The following FGF18 variants were observed in gnomAD, a reference collection of about 807,000 sequenced individuals.
FGF18 encodes fibroblast growth factor 18.
FGF18 carries 5 observed loss-of-function variants against 23.0 expected under a neutral mutation model. The ratio of observed to expected loss-of-function variants is 0.22; its 90% CI spans 0.11 to 0.46. FGF18 has a LOEUF of 0.46. Among genes scored for constraint, FGF18 ranks in the 20% least tolerant of loss-of-function variants. FGF18 has a pLI of 0.99. For synonymous variants in FGF18, 117 were observed against 118.9 expected, an observed-to-expected ratio of 0.98 and a Z score of 0.10; for missense variants, 180 against 291.6, an observed-to-expected ratio of 0.62 and a Z score of 2.79.
intron 3 of FGF18, among the ~76,000 whole-genome samples, chr5:171,444,280 G>C (rs373530172): frequency 1.9e-4 from 29 of 152,302 alleles, no homozygotes; most frequent in African/African-American, 5.1e-4. Context: ...AGTGAGGGGT[G>C]GGGTAGACAG....
chr5:171,420,416 C>T lies in FGF18; in HGVS notation c.42C>T (p.His14=). ...CATCTGTTTCCCGCAGGTGTTTACA[C>T]TTCCTGCTGCTGTGCTTCCAGGTAC... The part of the protein sequence containing the change: ...APSACTCLCL[H]FLLLCFQVQV... The change falls in exon 2 of 5, where the codon CAC becomes CAT. Residue 14 remains histidine (H), a synonymous_variant. Transcript: ENST00000274625. 9.3e-6 allele frequency: 15 copies of T among 1,613,908 alleles called. No individual in the cohort carries two copies. Among genetic ancestry groups the T allele is most frequent in the African/African-American group, 1.3e-5 (1 of 75,044 alleles).
chr5:171,448,825 C>T (rs1328735060), intron 3 of FGF18, among the ~76,000 whole-genome samples: 1 of 152,108 alleles, frequency 6.6e-6, no homozygotes, highest in African/African-American at 2.4e-5. Context: ...GAAGGGCACA[C>T]TGGTGTTCAG....
chr5:171,444,963 A>G (rs189318019), intron 3 of FGF18, among the ~76,000 whole-genome samples: 31 of 152,264 alleles, frequency 2.0e-4, no homozygotes, highest in African/African-American at 7.5e-4. Context: ...ACCGACAATA[A>G]AAATAAGAGT....
Position 171,449,171 on chromosome 5 carries a change from C to T in FGF18, c.275C>T (p.Thr92Ile). Reference protein sequence around the residue: ...KYAQLLVETDTFGSQVRIKGK... With the variant: ...KYAQLLVETDIFGSQVRIKGK... ...GCCCAGCTCCTAGTGGAGACAGACA[C>T]CTTCGGTAGTCAAGTCCGGATCAAG... Residue 92 changes from threonine to isoleucine, a missense_variant, in exon 4 of 5, where the codon ACC becomes ATC. Coordinates refer to ENST00000274625, the MANE Select transcript of FGF18 (RefSeq NM_003862.3). 6.2e-7 allele frequency: 1 copy of T among 1,613,994 alleles called. No homozygotes were observed. The highest frequency in any genetic ancestry group is 8.5e-7 in the Non-Finnish European group (1 of 1,179,916).
intron 3 of FGF18, among the ~76,000 whole-genome samples, chr5:171,448,190 G>A (rs947112448): frequency 7.2e-5 from 11 of 152,140 alleles, no homozygotes; most frequent in African/African-American, 2.7e-4. Flanking sequence ...TCATCCTGAG[G>A]GAGGCTCTGT....
chr5:171,420,551 T>C (rs6555955), intron 2 of FGF18, 108 bp downstream of exon 2: 1,115,366 of 1,122,050 alleles, frequency 0.99, 554,602 homozygotes, highest in East Asian at 1. Context: ...TCCTGGGCGC[T>C]GAGCCCAGTG....
chr5:171,432,518 C>T (rs1205524827), intron 2 of FGF18, among the ~76,000 whole-genome samples: 1 of 152,144 alleles, frequency 6.6e-6, no homozygotes, highest in Non-Finnish European at 1.5e-5. Context: ...AAGTGATTCT[C>T]CGGCCTCAGC....
chr5:171,430,281 C>T (rs979050362), intron 2 of FGF18, among the ~76,000 whole-genome samples: 1 of 148,214 alleles, frequency 6.7e-6, no homozygotes, highest in African/African-American at 2.5e-5. Context: ...TCACATGAAC[C>T]CAGGTGGCGG....
chr5:171,443,443 C>G (rs1469981276), intron 3 of FGF18, among the ~76,000 whole-genome samples: 5 of 142,320 alleles, frequency 3.5e-5, no homozygotes, highest in Admixed American at 2.9e-4. Context: ...ACACTCTTAA[C>G]ATCTTAACAT....
chr5:171,445,866 G>C (rs980783012), intron 3 of FGF18, among the ~76,000 whole-genome samples: 9 of 152,092 alleles, frequency 5.9e-5, no homozygotes, highest in African/African-American at 2.2e-4. Flanking sequence ...CCCACAAATG[G>C]AGCTGTGCCT....
chr5:171,436,257 G>A lies in FGF18; in HGVS notation c.234G>A (p.Glu78=), dbSNP rs922092765. 2 of 1,590,010 alleles carry A rather than the reference G, an allele frequency of 1.3e-6. No homozygotes were observed. The highest frequency in any genetic ancestry group is 2.7e-5 in the African/African-American group (2 of 73,980). The change falls in exon 3 of 5, where the codon GAG becomes GAA. Residue 78 remains glutamate, a synonymous_variant. Transcript: ENST00000274625. The surrounding 1 kb of genome is among the most constrained non-coding windows in gnomAD (Gnocchi z 4.4). ...VLGRRISARG[E]DGDKYAQLLV... Reference sequence around the variant, plus strand: ...GCCGCAGGATCAGTGCCCGCGGCGAGGATGGGGACAAGTATGGTATGTGCC... The same window carrying A: ...GCCGCAGGATCAGTGCCCGCGGCGAAGATGGGGACAAGTATGGTATGTGCC...
chr5:171,421,606 G>A (rs1412404955), intron 2 of FGF18, among the ~76,000 whole-genome samples: 1 of 152,200 alleles, frequency 6.6e-6, no homozygotes, highest in East Asian at 1.9e-4. Flanking sequence ...TGTGTGCCTT[G>A]AGCACTGCGC....
In FGF18 at chr5:171,434,809, CTTTT is replaced by C. The variant is rs35377470; in HGVS notation, c.70-1271_70-1268del. Among the ~76,000 whole-genome samples the C allele has an allele frequency of 1.4e-5, 2 of 141,746 alleles. No homozygotes were observed. Among genetic ancestry groups the C allele is most frequent in the African/African-American group, 2.6e-5 (1 of 38,426 alleles). The allele number at this position is 141,746 out of a possible 152,430, so 93.0% of individuals were successfully genotyped here. The stretch of plus-strand genomic sequence containing the variant: ...GAGACACTGCTCCAGCTTTCTCTCC[CTTTT>C]TTTTTTTTTTTTGATGGTGCTGCCA... On this transcript the variant is annotated intron_variant, in intron 2 of 4. Transcript: ENST00000274625. This position sits in a 1 kb window ranked among gnomAD's most constrained non-coding sequence, Gnocchi z 4.6.
intron 4 of FGF18, among the ~76,000 whole-genome samples, chr5:171,450,645 G>A (rs898240959): frequency 1.3e-4 from 20 of 152,332 alleles, no homozygotes; most frequent in Non-Finnish European, 2.5e-4. Context: ...GCGCGGCTCC[G>A]GGATGCCGAG....
chr5:171,435,678 C>T (rs900286896), intron 2 of FGF18, among the ~76,000 whole-genome samples: 2 of 152,158 alleles, frequency 1.3e-5, no homozygotes, highest in Non-Finnish European at 2.9e-5. Context: ...GTTCCTCACC[C>T]ATCTCCACGT....
chr5:171,430,278 A>G (rs1772159442), intron 2 of FGF18, among the ~76,000 whole-genome samples: 1 of 150,186 alleles, frequency 6.7e-6, no homozygotes, highest in Non-Finnish European at 1.5e-5. Context: ...GAATCACATG[A>G]ACCCAGGTGG....
At chr5:171,422,305 A>G (rs940540353) in intron 2 of FGF18, among the ~76,000 whole-genome samples, 3 of 151,994 alleles carry the variant, frequency 2.0e-5, no homozygotes, top group Non-Finnish European at 2.9e-5. Flanking sequence ...GGCAGCCTTC[A>G]AGCAGGTGAG....
At chr5:171,426,865 T>G (rs775067191) in intron 2 of FGF18, among the ~76,000 whole-genome samples, 2 of 152,202 alleles carry the variant, frequency 1.3e-5, no homozygotes, top group Non-Finnish European at 2.9e-5. Context: ...TCCTTAACCT[T>G]CAATTTTCTG....
intron 3 of FGF18, among the ~76,000 whole-genome samples, chr5:171,438,884 C>T (rs140678244): frequency 6.6e-6 from 1 of 152,212 alleles, no homozygotes; most frequent in African/African-American, 2.4e-5. Context: ...CATTAGGGGC[C>T]TGCCTTGTCT....
Sources: allele counts gnomAD v4.1 joint callset (sites outside exome capture counted in the v4.1 genomes callset), GRCh38; gene constraint gnomAD v4.1.1; non-coding constraint Gnocchi (gnomAD v3.1); transcripts MANE v1.5; gene names NCBI Gene and HGNC (gene_info 2026-07-23, HGNC 2026-07-21).